The following GABRG2 variants were observed in gnomAD, a reference collection of about 807,000 sequenced individuals.
GABRG2 encodes the protein gamma-aminobutyric acid receptor subunit gamma-2.
In GABRG2, 16 loss-of-function variants were observed where a neutral mutation model predicts 56.4. That is an observed-to-expected ratio of 0.28 (90% CI 0.19 to 0.43). GABRG2 has a LOEUF of 0.43. Ranked by LOEUF, GABRG2 falls within the 20% of genes least tolerant of loss-of-function variation. GABRG2 has a pLI of 1.00. For synonymous variants in GABRG2, 208 were observed against 205.5 expected, an observed-to-expected ratio of 1.01 and a Z score of -0.10; for missense variants, 327 against 582.7, an observed-to-expected ratio of 0.56 and a Z score of 4.52.
intron 6 of GABRG2, among the ~76,000 whole-genome samples, chr5:162,110,937 C>T (rs1290996676): frequency 1.3e-5 from 2 of 152,034 alleles, no homozygotes; most frequent in African/African-American, 4.8e-5. Context: ...TAGAGCTGGG[C>T]CTAGAGCAGC....
intron 8 of GABRG2, chr5:162,151,014 T>C (rs1765333383): frequency 3.3e-5 from 5 of 152,202 alleles, no homozygotes; most frequent in African/African-American, 9.6e-5. Context: ...CTATTGAGAG[T>C]TGGCATATTA....
rs575551694 is a variant in GABRG2, at chr5:162,151,699, G to A, written c.1129-31G>A. ...TTTCTCCTTTTTATTAAAAACAAAT[G>A]CAATTCTCTTTTCTGTCTACAAACC... On this transcript the variant is annotated intron_variant, in intron 8 of 9. Coordinates refer to ENST00000639213, the MANE Select transcript of GABRG2 (RefSeq NM_198904.4). The A allele has an allele frequency of 1.1e-5, 17 of 1,558,054 alleles. No homozygotes were observed. The East Asian group carries it at 3.7e-4, about 34-fold the overall frequency.
At chr5:162,080,522 G>A (rs1318163355) in intron 1 of GABRG2, among the ~76,000 whole-genome samples, 2 of 152,130 alleles carry the variant, frequency 1.3e-5, no homozygotes, top group African/African-American at 4.8e-5. Context: ...AAAAGTCTAG[G>A]GGAAGAACTT....
chr5:162,105,540 C>T (rs1761747118), intron 6 of GABRG2, among the ~76,000 whole-genome samples: 1 of 149,332 alleles, frequency 6.7e-6, no homozygotes. Context: ...TGCCATTCTC[C>T]TGCCTCAGCC....
intron 1 of GABRG2, among the ~76,000 whole-genome samples, chr5:162,080,955 T>A (rs771496703): frequency 3.3e-5 from 5 of 152,168 alleles, no homozygotes; most frequent in Non-Finnish European, 7.4e-5. Context: ...ATACTTTGCA[T>A]CTAATAAATG....
chr5:162,107,092 G>C (rs1435897839), intron 6 of GABRG2, among the ~76,000 whole-genome samples: 1 of 152,084 alleles, frequency 6.6e-6, no homozygotes, highest in Non-Finnish European at 1.5e-5. Flanking sequence ...ACTTACAAGT[G>C]AGAACATGCA....
chr5:162,069,516 T>G (rs1460665158), intron 1 of GABRG2, among the ~76,000 whole-genome samples: 1 of 152,118 alleles, frequency 6.6e-6, no homozygotes, highest in Non-Finnish European at 1.5e-5. Flanking sequence ...TTCTGTAAGA[T>G]GGGTAATAAG....
intron 7 of GABRG2, chr5:162,142,668 A>G (rs1447492622): frequency 2.9e-6 from 1 of 345,928 alleles, no homozygotes; most frequent in South Asian, 2.2e-5. Context: ...CAAACACTGC[A>G]TGTTCTCACT....
At chr5:162,073,992 C>T (rs992769363) in intron 1 of GABRG2, among the ~76,000 whole-genome samples, 2 of 151,752 alleles carry the variant, frequency 1.3e-5, no homozygotes, top group Non-Finnish European at 2.9e-5. Context: ...CACCCCCCGG[C>T]TTTTTTTATC....
intron 6 of GABRG2, among the ~76,000 whole-genome samples, chr5:162,112,510 G>C (rs758836759): frequency 6.6e-6 from 1 of 152,050 alleles, no homozygotes; most frequent in Non-Finnish European, 1.5e-5. Flanking sequence ...TACCCTATTT[G>C]ATGTAAGTGA....
chr5:162,152,845 A>G, intron 9 of GABRG2: 1 of 598,396 alleles, frequency 1.7e-6, no homozygotes, highest in Non-Finnish European at 3.0e-6. Flanking sequence ...TTTGGTGTTC[A>G]ATCTCCTTGC....
rs1424337948 is a variant in GABRG2, at chr5:162,155,367, G to A, written c.*1999G>A. ...GTAATGGGGACACTACAAAAAGCTA[G>A]CTTTCCAATGTGTGCATAGTATTGG... On this transcript the variant is annotated 3_prime_UTR_variant, in exon 10 of 10. Transcript: ENST00000639213. The A allele has an allele frequency of 2.0e-5, 3 of 152,420 alleles. No homozygotes were observed. Among genetic ancestry groups the A allele is most frequent in the Non-Finnish European group, 4.4e-5 (3 of 67,986 alleles). 9.4% of individuals were successfully genotyped at this position (152,420 alleles called of 1,614,324 possible).
Position 162,097,575 on chromosome 5 carries a change from C to A in GABRG2, c.328-63C>A, listed in dbSNP as rs938340440. On this transcript the variant is annotated intron_variant, in intron 3 of 9. Transcript: ENST00000639213. ...GCAAAGAAAACAGGAATGAAATATA[C>A]CAATATTTAAAAAGATAATCTTACT... The A allele has an allele frequency of 4.5e-4, 544 of 1,205,966 alleles. 1 individual carries two copies. The highest frequency in any genetic ancestry group is 4.5e-4 in the Middle Eastern group (2 of 4,434). 74.7% of individuals were successfully genotyped at this position (1,205,966 alleles called of 1,614,324 possible).
intron 6 of GABRG2, among the ~76,000 whole-genome samples, chr5:162,115,752 T>C (rs1482847427): frequency 6.6e-6 from 1 of 152,154 alleles, no homozygotes; most frequent in Non-Finnish European, 1.5e-5. Context: ...TATTATTTTG[T>C]TTTTAATATC....
At chr5:162,096,402 T>C (rs748421110) in intron 3 of GABRG2, among the ~76,000 whole-genome samples, 3 of 152,156 alleles carry the variant, frequency 2.0e-5, no homozygotes, top group Non-Finnish European at 4.4e-5. Context: ...TCCCCAGAAC[T>C]GTTCTAGGAT....
At chr5:162,082,779 G>A (rs550534592) in intron 1 of GABRG2, among the ~76,000 whole-genome samples, 50 of 150,678 alleles carry the variant, frequency 3.3e-4, no homozygotes, top group Non-Finnish European at 6.1e-4. Context: ...AGAGTAGGAG[G>A]AAGGAGGAAC....
chr5:162,070,468 G>A (rs1394888922), intron 1 of GABRG2, among the ~76,000 whole-genome samples: 1 of 151,958 alleles, frequency 6.6e-6, no homozygotes, highest in Non-Finnish European at 1.5e-5. Context: ...TCCATAGGAA[G>A]TGGTACTTAT....
chr5:162,125,575 C>A (rs1193343221), intron 6 of GABRG2, among the ~76,000 whole-genome samples: 1 of 151,644 alleles, frequency 6.6e-6, no homozygotes, highest in Non-Finnish European at 1.5e-5. Context: ...TTGTTAATTG[C>A]TGAAAAGTTA....
At chr5:162,109,922 A>G (rs210985) in intron 6 of GABRG2, among the ~76,000 whole-genome samples, 121,874 of 151,950 alleles carry the variant, frequency 0.8, 48,997 homozygotes, top group South Asian at 0.85. Context: ...ACGAATCACA[A>G]GGAAATATAC....
Sources: gnomAD v4.1 joint callset for allele counts (sites outside exome capture counted in the v4.1 genomes callset) on GRCh38, gnomAD v4.1.1 for gene constraint, MANE v1.5 for transcripts, NCBI Gene and HGNC (gene_info 2026-07-23, HGNC 2026-07-21) for gene names.